Variants in GRM5 observed in about 807,000 individuals in gnomAD.
GRM5 encodes glutamate metabotropic receptor 5, also known as metabotropic glutamate receptor 5.
Under a neutral mutation model 83.1 loss-of-function variants are expected in GRM5, and 19 were observed. The observed-to-expected ratio is 0.23, with a 90% CI of 0.16 to 0.34. The LOEUF is 0.34. Among genes scored for constraint, GRM5 ranks in the 10% least tolerant of loss-of-function variants. The probability of loss-of-function intolerance (pLI) is 1.00; values close to 1 mark genes in which losing one functional copy is unlikely to be tolerated. For missense variants in GRM5, 1,160 were observed against 1,588.3 expected, an observed-to-expected ratio of 0.73 and a Z score of 4.58; for synonymous variants, 675 against 633.6, an observed-to-expected ratio of 1.07 and a Z score of -0.98.
intron 1 of GRM5, among the ~76,000 whole-genome samples, chr11:89,050,106 T>C (rs1591078491): frequency 6.6e-6 from 1 of 152,306 alleles, no homozygotes; most frequent in South Asian, 2.1e-4. Flanking sequence ...ATTTTATTCA[T>C]TTAAGTTGTT....
At chr11:88,691,585 C>G (rs752577396) in intron 3 of GRM5, among the ~76,000 whole-genome samples, 1 of 152,162 alleles carries the variant, frequency 6.6e-6, no homozygotes, top group African/African-American at 2.4e-5. Flanking sequence ...TATGTCTGCT[C>G]TCTGCCATCT....
chr11:88,524,662 A>T (rs971634819), intron 9 of GRM5, among the ~76,000 whole-genome samples: 1 of 152,252 alleles, frequency 6.6e-6, no homozygotes, highest in Non-Finnish European at 1.5e-5. Flanking sequence ...AAGAACATGC[A>T]CAGCACAGCG....
At chr11:88,575,796 T>C (rs996869289) in intron 7 of GRM5, among the ~76,000 whole-genome samples, 2 of 152,232 alleles carry the variant, frequency 1.3e-5, no homozygotes, top group Non-Finnish European at 2.9e-5. Flanking sequence ...AGCCATCCAT[T>C]TGTCATTGGA....
chr11:88,876,419 C>G (rs781414053), intron 2 of GRM5, among the ~76,000 whole-genome samples: 8 of 152,126 alleles, frequency 5.3e-5, no homozygotes, highest in South Asian at 2.1e-4. Flanking sequence ...AAAACTTTCT[C>G]TGTATCTGCA....
rs774431246 is a variant in GRM5 at position 88,590,706 on chromosome 11, T to C, written c.1585A>G (p.Ser529Gly). The C allele has an allele frequency of 1.2e-6, 2 of 1,612,004 alleles. No individual in the cohort carries two copies. Among genetic ancestry groups the C allele is most frequent in the South Asian group, 1.1e-5 (1 of 91,000 alleles). ...CAAGGTGTACAGGTCCAACAACAGC[T>C]GACTTCTCCCTTTCGGATCACCTAA... Reference protein sequence around the residue: ...QIKVIRKGEVSCCWTCTPCKE... With the variant: ...QIKVIRKGEVGCCWTCTPCKE... The change falls in exon 7 of 10, where the codon AGC (serine) becomes GGC (glycine). Residue 529 changes from serine to glycine, a missense_variant. By Grantham distance (56) the Ser-to-Gly change is moderately conservative (BLOSUM62 0). Transcript: ENST00000305447.
At chr11:88,630,746 T>C (rs1938945336) in intron 4 of GRM5, among the ~76,000 whole-genome samples, 1 of 152,106 alleles carries the variant, frequency 6.6e-6, no homozygotes. Flanking sequence ...GACTGGCTAA[T>C]TTTGTATTTT....
At chr11:89,023,332 C>T (rs1352969066) in intron 2 of GRM5, among the ~76,000 whole-genome samples, 4 of 152,226 alleles carry the variant, frequency 2.6e-5, no homozygotes, top group African/African-American at 9.6e-5. Context: ...CTGCTCTCTT[C>T]TCCATACTTC....
intron 4 of GRM5, among the ~76,000 whole-genome samples, chr11:88,634,378 AAC>A (rs1354027336): frequency 1.3e-5 from 2 of 152,234 alleles, no homozygotes; most frequent in Non-Finnish European, 2.9e-5. Context: ...CTTTTGTAAT[AAC>A]ACATAGCTTA....
chr11:89,042,243 A>C (rs1941552610), intron 2 of GRM5, among the ~76,000 whole-genome samples: 1 of 152,182 alleles, frequency 6.6e-6, no homozygotes, highest in Admixed American at 6.5e-5. Context: ...CCAATTGTTT[A>C]GAAATATTGG....
At chr11:88,958,136 C>T (rs957315877) in intron 2 of GRM5, among the ~76,000 whole-genome samples, 1 of 151,750 alleles carries the variant, frequency 6.6e-6, no homozygotes, top group Non-Finnish European at 1.5e-5. Flanking sequence ...CAGAAAGAAG[C>T]CTTCAGGAGT....
At chr11:88,548,613 C>T (rs1477262739) in intron 8 of GRM5, among the ~76,000 whole-genome samples, 1 of 152,134 alleles carries the variant, frequency 6.6e-6, no homozygotes, top group Non-Finnish European at 1.5e-5. Flanking sequence ...AGCATTTCTT[C>T]CCTCAAAATA....
At chr11:88,785,473 G>A (rs1199040908) in intron 3 of GRM5, among the ~76,000 whole-genome samples, 2 of 152,048 alleles carry the variant, frequency 1.3e-5, no homozygotes, top group East Asian at 1.9e-4. Context: ...TGAAAAAGAT[G>A]AAATAAAGAT....
At chr11:88,984,365 C>T (rs150912219) in intron 2 of GRM5, among the ~76,000 whole-genome samples, 3,935 of 152,192 alleles carry the variant, frequency 0.026, 90 homozygotes, top group East Asian at 0.1. Flanking sequence ...ATAGTTTTCA[C>T]TACAGTAATA....
At chr11:88,838,265 A>T (rs1207332034) in intron 3 of GRM5, among the ~76,000 whole-genome samples, 2 of 152,094 alleles carry the variant, frequency 1.3e-5, no homozygotes, top group Non-Finnish European at 2.9e-5. Flanking sequence ...CCAGGAGAGA[A>T]AAGCATGGAA....
At chr11:88,636,230 T>G (rs1041796577) in intron 4 of GRM5, among the ~76,000 whole-genome samples, 4 of 152,190 alleles carry the variant, frequency 2.6e-5, no homozygotes, top group Admixed American at 1.3e-4. Context: ...AAAAAGATTC[T>G]GCCAGGCACG....
In GRM5 at chr11:88,604,866, T is replaced by G. The variant is rs1938097425; in HGVS notation, c.1246A>C (p.Met416Leu). ...CCTGCATAGCCTGGGCAGAGGGACA[T>G]CTGCATGTTGTGGAGCCCATAGGCC... ...SMAYGLHNMQ[M>L]SLCPGYAGLC... Residue 416 changes from methionine (M) to leucine (L), a missense_variant, in exon 5 of 10, where the codon ATG becomes CTG. By Grantham distance (15) the Met-to-Leu change is conservative. This residue lies in a region of GRM5 where 132 missense variants were observed against 197.6 expected (regional missense o/e 0.67). Transcript: ENST00000305447. The G allele has an allele frequency of 6.2e-7, 1 of 1,613,780 alleles. No homozygotes were observed. The highest frequency in any genetic ancestry group is 1.3e-5 in the African/African-American group (1 of 74,920).
intron 2 of GRM5, among the ~76,000 whole-genome samples, chr11:88,918,313 A>G (rs1945630475): frequency 6.6e-6 from 1 of 152,114 alleles, no homozygotes; most frequent in South Asian, 2.1e-4. Flanking sequence ...CCCCTGGCAA[A>G]GAAATATACC....
intron 3 of GRM5, among the ~76,000 whole-genome samples, chr11:88,691,070 G>T (rs1431806995): frequency 6.6e-6 from 1 of 152,196 alleles, no homozygotes; most frequent in Non-Finnish European, 1.5e-5. Flanking sequence ...GACACTTGAA[G>T]AGAGGGTGGA....
chr11:88,803,879 A>C (rs896873713), intron 3 of GRM5, among the ~76,000 whole-genome samples: 12 of 152,240 alleles, frequency 7.9e-5, no homozygotes, highest in Admixed American at 2.6e-4. Context: ...GGCGAAGGAC[A>C]TGAACAGATA....
Sources: allele counts gnomAD v4.1 joint callset (sites outside exome capture counted in the v4.1 genomes callset), GRCh38; gene constraint gnomAD v4.1.1; regional missense constraint gnomAD v4.1.1; transcripts MANE v1.5; gene names NCBI Gene and HGNC (gene_info 2026-07-23, HGNC 2026-07-21).